The following FNDC3A variants were observed in gnomAD, a reference collection of about 807,000 sequenced individuals.
The protein encoded by FNDC3A is fibronectin type III domain containing 3A.
A neutral mutation model predicts 148.9 loss-of-function variants in FNDC3A; 32 were observed. That is an observed-to-expected ratio of 0.21 (90% confidence interval 0.16 to 0.29). FNDC3A has a LOEUF of 0.29. Ranked by LOEUF, FNDC3A falls within the 10% of genes least tolerant of loss-of-function variation. FNDC3A has a pLI of 1.00. For synonymous variants in FNDC3A, 472 were observed against 473.6 expected (o/e 1.00, Z 0.04); for missense variants, 1,191 against 1,452.8 (o/e 0.82, Z 2.93).
At chr13:49,185,924 A>G in intron 14 of FNDC3A, 40 bp from the exon 15 acceptor site, 2 of 1,510,854 alleles carry the variant, frequency 1.3e-6, no homozygotes, top group Non-Finnish European at 1.8e-6. Flanking sequence ...ATCATTAGGT[A>G]TCAAGTGTAT....
intron 2 of FNDC3A, among the ~76,000 whole-genome samples, chr13:49,026,397 A>G (rs1873717811): frequency 6.6e-6 from 1 of 152,252 alleles, no homozygotes; most frequent in African/African-American, 2.4e-5. Context: ...TAAAGGATAC[A>G]ATACTGTCTA....
chr13:49,094,538 T>C lies in FNDC3A; in HGVS notation c.175+19174T>C, dbSNP rs118104384. 1.0e-3 allele frequency among the ~76,000 whole-genome samples: 156 copies of C among 152,250 alleles called. 1 individual carries two copies. In the East Asian group the frequency reaches 0.028, roughly 28 times the overall value. ...GGGTTGCTTTTTAAACCCATTACTT[T>C]ATGTAAATAATTCTTAACCTAATAT... On this transcript the variant is annotated intron_variant, in intron 3 of 25. Coordinates refer to ENST00000492622, the MANE Select transcript of FNDC3A (RefSeq NM_001079673.2).
intron 1 of FNDC3A, among the ~76,000 whole-genome samples, chr13:48,989,324 G>A (rs756692992): frequency 2.0e-4 from 31 of 152,142 alleles, no homozygotes; most frequent in Non-Finnish European, 3.5e-4. Context: ...AAATTACTGA[G>A]TCTGCAAAGA....
intron 2 of FNDC3A, among the ~76,000 whole-genome samples, chr13:49,027,802 T>C (rs76949962): frequency 0.026 from 3,936 of 152,046 alleles, 71 homozygotes; most frequent in Non-Finnish European, 0.042. Flanking sequence ...AAAAAAGATA[T>C]AATATCATGC....
intron 3 of FNDC3A, among the ~76,000 whole-genome samples, chr13:49,079,810 C>G (rs1023639757): frequency 6.6e-6 from 1 of 152,114 alleles, no homozygotes; most frequent in African/African-American, 2.4e-5. Flanking sequence ...AGGACTTTTC[C>G]ACATTTATTT....
chr13:49,024,299 A>G (rs1873540219), intron 2 of FNDC3A, among the ~76,000 whole-genome samples: 1 of 152,036 alleles, frequency 6.6e-6, no homozygotes, highest in Non-Finnish European at 1.5e-5. Context: ...GGAACCTTTA[A>G]AGAATAATTA....
intron 2 of FNDC3A, among the ~76,000 whole-genome samples, chr13:49,024,556 A>ATTT (rs1358513135): frequency 6.6e-6 from 1 of 152,026 alleles, no homozygotes; most frequent in Non-Finnish European, 1.5e-5. Flanking sequence ...TTATCACAGG[A>ATTT]ATGTAAGAAT....
intron 19 of FNDC3A, among the ~76,000 whole-genome samples, chr13:49,192,479 TAG>T (rs565645177): frequency 5.8e-4 from 89 of 152,176 alleles, no homozygotes; most frequent in African/African-American, 2.0e-3. Context: ...ATATTTTTAG[TAG>T]AGAGAGGGTT....
chr13:49,038,376 C>T (rs556333890), intron 2 of FNDC3A, among the ~76,000 whole-genome samples: 1 of 152,264 alleles, frequency 6.6e-6, no homozygotes, highest in African/African-American at 2.4e-5. Context: ...TCATTTTCCC[C>T]CTCTAAAGAG....
chr13:48,986,682 C>T (rs1341280264), intron 1 of FNDC3A, among the ~76,000 whole-genome samples: 1 of 151,886 alleles, frequency 6.6e-6, no homozygotes. Flanking sequence ...AGGCGTGAGC[C>T]ACTGCGCCTG....
At chr13:49,063,603 G>T in intron 2 of FNDC3A, among the ~76,000 whole-genome samples, 1 of 152,080 alleles carries the variant, frequency 6.6e-6, no homozygotes, top group Non-Finnish European at 1.5e-5. Flanking sequence ...TATTGATTGG[G>T]TATACATTAT....
At chr13:49,005,168 A>G (rs1300089839) in intron 1 of FNDC3A, among the ~76,000 whole-genome samples, 2 of 151,922 alleles carry the variant, frequency 1.3e-5, no homozygotes, top group African/African-American at 4.8e-5. Context: ...TTATATAGCT[A>G]CATGAAAAAT....
chr13:49,031,927 T>C (rs1175676592), intron 2 of FNDC3A, among the ~76,000 whole-genome samples: 3 of 152,198 alleles, frequency 2.0e-5, no homozygotes, highest in African/African-American at 7.2e-5. Flanking sequence ...ATTCAGAATG[T>C]GTGAAGAACT....
intron 24 of FNDC3A, among the ~76,000 whole-genome samples, chr13:49,202,410 A>T (rs1300919031): frequency 1.3e-5 from 2 of 152,186 alleles, no homozygotes; most frequent in African/African-American, 4.8e-5. Flanking sequence ...TTACACACAC[A>T]TGTACACATA....
At chr13:49,187,340 T>C in intron 16 of FNDC3A, 150 bp downstream of exon 16, 1 of 883,152 alleles carries the variant, frequency 1.1e-6, no homozygotes, top group East Asian at 2.6e-5. Context: ...TGGGTTGTCC[T>C]GGATTTTTTT....
At chr13:49,033,085 A>G (rs913416841) in intron 2 of FNDC3A, among the ~76,000 whole-genome samples, 2 of 152,172 alleles carry the variant, frequency 1.3e-5, no homozygotes, top group Non-Finnish European at 2.9e-5. Context: ...GGATTTGTAC[A>G]CTGATGCTTG....
At chr13:48,983,267 G>T (rs908829081) in intron 1 of FNDC3A, among the ~76,000 whole-genome samples, 7 of 152,110 alleles carry the variant, frequency 4.6e-5, no homozygotes, top group Non-Finnish European at 8.8e-5. Flanking sequence ...AATGCAAAAT[G>T]TTTCCATAAT....
intron 1 of FNDC3A, among the ~76,000 whole-genome samples, chr13:48,987,662 A>G (rs891421078): frequency 2.0e-5 from 3 of 152,200 alleles, no homozygotes; most frequent in Non-Finnish European, 2.9e-5. Flanking sequence ...ATTGGAGAAG[A>G]ATAAGATAAA....
intron 1 of FNDC3A, among the ~76,000 whole-genome samples, chr13:48,979,160 A>G (rs1266200692): frequency 8.6e-5 from 13 of 151,842 alleles, no homozygotes; most frequent in Non-Finnish European, 1.9e-4. Context: ...AAGATTGAGA[A>G]CTACACCTGG....
Sources: allele counts gnomAD v4.1 joint callset (sites outside exome capture counted in the v4.1 genomes callset), GRCh38; gene constraint gnomAD v4.1.1; transcripts MANE v1.5; gene names NCBI Gene and HGNC (gene_info 2026-07-23, HGNC 2026-07-21).